Variants in PCDH7 observed in about 807,000 individuals in gnomAD.
PCDH7 encodes the protein protocadherin 7, also known as protocadherin-7.
Under a neutral mutation model 58.9 loss-of-function variants are expected in PCDH7, and 17 were observed. That is an observed-to-expected ratio of 0.29 (90% CI 0.20 to 0.43). PCDH7 has a LOEUF of 0.43. Among genes scored for constraint, PCDH7 ranks in the 20% least tolerant of loss-of-function variants. The pLI is 1.00. For synonymous variants in PCDH7, 664 were observed against 616.4 expected (o/e 1.08, Z -1.14); for missense variants, 1,274 against 1,441.0 (o/e 0.88, Z 1.88).
intron 3 of PCDH7, among the ~76,000 whole-genome samples, chr4:30,982,250 G>A (rs1007702840): frequency 2.6e-5 from 4 of 152,036 alleles, no homozygotes; most frequent in African/African-American, 9.7e-5. Context: ...TGTGCCAAGG[G>A]GAGTGTGAAG....
At chr4:31,102,935 T>C (rs1475084871) in intron 3 of PCDH7, among the ~76,000 whole-genome samples, 3 of 152,220 alleles carry the variant, frequency 2.0e-5, no homozygotes, top group East Asian at 1.9e-4. Flanking sequence ...CATAGAACTC[T>C]ACGACAAATA....
At chr4:30,873,676 T>C (rs764631207) in intron 1 of PCDH7, among the ~76,000 whole-genome samples, 14 of 151,992 alleles carry the variant, frequency 9.2e-5, no homozygotes, top group Non-Finnish European at 5.9e-5. Flanking sequence ...CAAAACTGAG[T>C]ATTTTGCTGG....
At chr4:30,917,918 T>C (rs1365674245) in intron 1 of PCDH7, among the ~76,000 whole-genome samples, 1 of 152,160 alleles carries the variant, frequency 6.6e-6, no homozygotes, top group Non-Finnish European at 1.5e-5. Flanking sequence ...TTTTTTCTAC[T>C]TTTATATCAA....
At chr4:30,727,851 G>T (rs1714847744) in intron 1 of PCDH7, among the ~76,000 whole-genome samples, 1 of 151,830 alleles carries the variant, frequency 6.6e-6, no homozygotes, top group Non-Finnish European at 1.5e-5. Context: ...AGTATGAAAA[G>T]TACAGTTACT....
chr4:31,002,206 T>C (rs1436329357), intron 3 of PCDH7, among the ~76,000 whole-genome samples: 2 of 152,180 alleles, frequency 1.3e-5, no homozygotes, highest in South Asian at 4.1e-4. Context: ...GATCCTTATA[T>C]TGATTTGAGT....
chr4:31,106,042 A>C (rs1223696775), intron 3 of PCDH7, among the ~76,000 whole-genome samples: 1 of 151,290 alleles, frequency 6.6e-6, no homozygotes, highest in East Asian at 1.9e-4. Flanking sequence ...ATATATGTAT[A>C]TATACTTTTA....
chr4:30,841,402 A>G (rs1731202024), intron 1 of PCDH7, among the ~76,000 whole-genome samples: 1 of 152,132 alleles, frequency 6.6e-6, no homozygotes, highest in South Asian at 2.1e-4. Context: ...TATCTCTGCC[A>G]TTCTTGTTCT....
chr4:30,939,849 A>G (rs1456404419), intron 2 of PCDH7, among the ~76,000 whole-genome samples: 1 of 152,092 alleles, frequency 6.6e-6, no homozygotes, highest in Non-Finnish European at 1.5e-5. Context: ...GAAAACTTAA[A>G]ATAAGCATTT....
At chr4:30,910,941 A>C (rs1009240225) in intron 1 of PCDH7, among the ~76,000 whole-genome samples, 1 of 152,158 alleles carries the variant, frequency 6.6e-6, no homozygotes, top group Non-Finnish European at 1.5e-5. Context: ...GGATAAAGAA[A>C]CTGTGGCACA....
chr4:30,988,608 C>A (rs914941101), intron 3 of PCDH7, among the ~76,000 whole-genome samples: 2 of 152,084 alleles, frequency 1.3e-5, no homozygotes, highest in African/African-American at 4.8e-5. Flanking sequence ...TCATCAAGGC[C>A]GAGTTAGTTT....
At chr4:30,975,994 T>A (rs1750032910) in intron 3 of PCDH7, among the ~76,000 whole-genome samples, 1 of 152,182 alleles carries the variant, frequency 6.6e-6, no homozygotes, top group South Asian at 2.1e-4. Context: ...GCCCTCATAA[T>A]GTGGTTGTTC....
intron 3 of PCDH7, among the ~76,000 whole-genome samples, chr4:30,970,003 C>A (rs1406180095): frequency 6.6e-6 from 1 of 152,170 alleles, no homozygotes; most frequent in African/African-American, 2.4e-5. Flanking sequence ...CAAGACTTAA[C>A]AATCTGATTG....
chr4:30,857,534 G>A (rs1733629472), intron 1 of PCDH7, among the ~76,000 whole-genome samples: 1 of 152,076 alleles, frequency 6.6e-6, no homozygotes, highest in Non-Finnish European at 1.5e-5. Flanking sequence ...AAGCTCGTCT[G>A]GGTTGTGCAT....
exon 4 of PCDH7, chr4:31,142,815 T>C: frequency 7.3e-7 from 1 of 1,366,300 alleles, no homozygotes. Context: ...CCATCTCCTG[T>C]CAATACTCTC....
chr4:30,985,818 AGT>A (rs1750919398), intron 3 of PCDH7, among the ~76,000 whole-genome samples: 1 of 152,180 alleles, frequency 6.6e-6, no homozygotes, highest in South Asian at 2.1e-4. Context: ...CTGGGGCTGC[AGT>A]GTTAATTGGC....
chr4:30,850,032 T>C (rs1022613129), intron 1 of PCDH7, among the ~76,000 whole-genome samples: 1 of 152,176 alleles, frequency 6.6e-6, no homozygotes, highest in Non-Finnish European at 1.5e-5. Context: ...GCTAACCTTT[T>C]CTTCTAGATC....
At chr4:31,043,430 A>C (rs1391219220) in intron 3 of PCDH7, among the ~76,000 whole-genome samples, 1 of 152,100 alleles carries the variant, frequency 6.6e-6, no homozygotes, top group Non-Finnish European at 1.5e-5. Context: ...TTTTCTCCAC[A>C]ACCTCCCCAG....
At chr4:30,724,637 G>T (rs569246099) in intron 1 of PCDH7, 41 bp downstream of exon 1, 1 of 1,596,076 alleles carries the variant, frequency 6.3e-7, no homozygotes, top group Non-Finnish European at 8.6e-7. Context: ...CCCAGGGAGG[G>T]CTAATAACTC....
chr4:30,815,944 A>G (rs1727619822), intron 1 of PCDH7, among the ~76,000 whole-genome samples: 1 of 152,214 alleles, frequency 6.6e-6, no homozygotes, highest in Admixed American at 6.5e-5. Flanking sequence ...CAACTCTAAG[A>G]GTATCTCACT....
Sources: allele counts gnomAD v4.1 joint callset (sites outside exome capture counted in the v4.1 genomes callset), GRCh38; gene constraint gnomAD v4.1.1; transcripts MANE v1.5; gene names NCBI Gene and HGNC (gene_info 2026-07-23, HGNC 2026-07-21).